LHX4: variants seen among roughly 807,000 people sequenced by gnomAD.
LHX4 encodes LIM homeobox 4.
In LHX4, 16 loss-of-function variants were observed where a neutral mutation model predicts 39.2. The observed-to-expected ratio is 0.41, with a 90% confidence interval of 0.28 to 0.62. LHX4 has a LOEUF of 0.62. Among genes scored for constraint, LHX4 ranks in the 20% least tolerant of loss-of-function variants. The pLI is 0.33. For synonymous variants in LHX4, 206 were observed against 198.1 expected, an observed-to-expected ratio of 1.04 and a Z score of -0.33; for missense variants, 439 against 511.9, an observed-to-expected ratio of 0.86 and a Z score of 1.37.
intron 2 of LHX4, among the ~76,000 whole-genome samples, chr1:180,250,023 C>T (rs917041859): frequency 6.6e-6 from 1 of 151,960 alleles, no homozygotes; most frequent in Non-Finnish European, 1.5e-5. Flanking sequence ...AAGGCAGGGG[C>T]AGCAGGTGAC....
chr1:180,271,903 G>C lies in LHX4; in HGVS notation c.675G>C (p.Gly225=), dbSNP rs1029310450. Residue 225 remains glycine (G), a synonymous_variant, in exon 5 of 6, where the codon GGG becomes GGC. Transcript: ENST00000263726. ...LKKDAGRHRW[G]QFYKSVKRSR... ...AGGATGCAGGGCGGCACCGCTGGGG[G>C]CAGTTCTATAAGAGCGTCAAGAGGA... 1 of 1,613,534 alleles carries C rather than the reference G, an allele frequency of 6.2e-7. No homozygotes were observed. Among genetic ancestry groups the C allele is most frequent in the Non-Finnish European group, 8.5e-7 (1 of 1,179,972 alleles).
chr1:180,230,627 CTGATT>C lies in LHX4; in HGVS notation c.76+24_76+28del. ...CAACGTAAGACACCCCCCTTTCTCG[CTGATT>C]TAATTCTAACAAGACAGCTAGCAGC... is the stretch of plus-strand genomic sequence containing the variant. On this transcript the variant is annotated intron_variant, in intron 1 of 5. Transcript: ENST00000263726. The surrounding 1 kb of genome is among the most constrained non-coding windows in gnomAD (Gnocchi z 5.8). 1 of 1,605,644 alleles carries C rather than the reference CTGATT, an allele frequency of 6.2e-7. No homozygotes were observed. Among genetic ancestry groups the C allele is most frequent in the African/African-American group, 1.3e-5 (1 of 74,894 alleles).
chr1:180,255,644 T>C (rs1467808447), intron 2 of LHX4, among the ~76,000 whole-genome samples: 1 of 152,220 alleles, frequency 6.6e-6, no homozygotes, highest in Admixed American at 6.5e-5. Context: ...CGGCCTGTAA[T>C]CAAGGCAGAA....
At chr1:180,259,809 A>G (rs530102540) in intron 2 of LHX4, among the ~76,000 whole-genome samples, 8 of 151,740 alleles carry the variant, frequency 5.3e-5, no homozygotes, top group African/African-American at 1.5e-4. Context: ...GACAAGCCCA[A>G]GGGGAAGGGC....
At chr1:180,239,781 G>C (rs933074804) in intron 1 of LHX4, among the ~76,000 whole-genome samples, 1 of 152,212 alleles carries the variant, frequency 6.6e-6, no homozygotes, top group East Asian at 1.9e-4. Flanking sequence ...GAATGAGCTT[G>C]CCAATTTGAA....
intron 2 of LHX4, among the ~76,000 whole-genome samples, chr1:180,257,766 C>T (rs553535460): frequency 3.9e-5 from 6 of 152,294 alleles, no homozygotes; most frequent in East Asian, 3.9e-4. Flanking sequence ...TTCCTCAGGA[C>T]GGTGCACCGT....
intron 2 of LHX4, among the ~76,000 whole-genome samples, chr1:180,263,352 C>G (rs1648181330): frequency 6.6e-6 from 1 of 152,224 alleles, no homozygotes; most frequent in African/African-American, 2.4e-5. Context: ...ATTCTAAGAT[C>G]TGGGAATGGG....
intron 1 of LHX4, among the ~76,000 whole-genome samples, chr1:180,243,814 G>T (rs1208084144): frequency 3.3e-5 from 5 of 152,180 alleles, no homozygotes; most frequent in African/African-American, 9.6e-5. Flanking sequence ...AGCTCAAGAG[G>T]CCAGTGGTCT....
intron 1 of LHX4, among the ~76,000 whole-genome samples, chr1:180,236,368 C>T (rs1344352325): frequency 2.6e-5 from 4 of 152,180 alleles, no homozygotes; most frequent in Non-Finnish European, 5.9e-5. Flanking sequence ...GTCCTAACTT[C>T]CCAGTTGCCT....
chr1:180,249,521 C>A (rs1378402869), intron 2 of LHX4, among the ~76,000 whole-genome samples: 5 of 152,216 alleles, frequency 3.3e-5, no homozygotes, highest in Non-Finnish European at 7.3e-5. Context: ...CAGGGGGCGC[C>A]AGGGAGGCTC....
chr1:180,256,110 G>A (rs1647845555), intron 2 of LHX4, among the ~76,000 whole-genome samples: 1 of 152,212 alleles, frequency 6.6e-6, no homozygotes, highest in East Asian at 1.9e-4. Context: ...GGCCCTCTCT[G>A]GACATTCCTG....
chr1:180,264,378 A>AACACACACACAC (rs10561933), intron 2 of LHX4, among the ~76,000 whole-genome samples: 1,596 of 145,390 alleles, frequency 0.011, 28 homozygotes, highest in African/African-American at 0.026. Context: ...ACACACACAT[A>AACACACACACAC]ACACACACAC....
chr1:180,264,016 T>C (rs1466648957), intron 2 of LHX4, among the ~76,000 whole-genome samples: 2 of 152,130 alleles, frequency 1.3e-5, no homozygotes, highest in African/African-American at 4.8e-5. Context: ...CAGGCTGGAG[T>C]GCAGTGGCGT....
intron 1 of LHX4, among the ~76,000 whole-genome samples, chr1:180,233,262 G>A (rs1299517096): frequency 1.3e-5 from 2 of 152,200 alleles, no homozygotes; most frequent in African/African-American, 4.8e-5. Flanking sequence ...ACTCTGTCCC[G>A]GCCTCCCGCC....
At chr1:180,237,774 A>G (rs1438307628) in intron 1 of LHX4, among the ~76,000 whole-genome samples, 1 of 152,240 alleles carries the variant, frequency 6.6e-6, no homozygotes, top group Admixed American at 6.5e-5. Flanking sequence ...GGTTCTGGGA[A>G]TAGCTTAATA....
At chr1:180,248,197 C>A in intron 1 of LHX4, 88 bp from the exon 2 acceptor site, 3 of 1,281,446 alleles carry the variant, frequency 2.3e-6, no homozygotes, top group South Asian at 1.2e-5. Flanking sequence ...CCACCATCAG[C>A]AGAGTGGGAA....
chr1:180,245,465 A>C (rs1256535236), intron 1 of LHX4, among the ~76,000 whole-genome samples: 1 of 152,230 alleles, frequency 6.6e-6, no homozygotes, highest in East Asian at 1.9e-4. Context: ...CATGGGGCAG[A>C]CAGGCATGGC....
chr1:180,230,115 G>T (rs1021295887), upstream of LHX4, among the ~76,000 whole-genome samples: 10 of 151,818 alleles, frequency 6.6e-5, no homozygotes, highest in African/African-American at 2.4e-4. This position sits in a 1 kb window ranked among gnomAD's most constrained non-coding sequence, Gnocchi z 5.8. Flanking sequence ...CGAAGGGCGG[G>T]CCTCCCTGCG....
rs1338964652 is a variant in LHX4, at chr1:180,277,776, T to TTGA, written c.*3199_*3201dup. On this transcript the variant is annotated 3_prime_UTR_variant, in exon 6 of 6. Coordinates refer to ENST00000263726, the MANE Select transcript of LHX4 (RefSeq NM_033343.4). ...AACGTAAAATAAAGATCAACTATCA[T>TTGA]TGATAACACTGTTCCTGCAAATGAA... 2 of 151,930 alleles carry TTGA rather than the reference T, an allele frequency of 1.3e-5. No homozygotes were observed. The highest frequency in any genetic ancestry group is 6.6e-5 in the Admixed American group (1 of 15,234). 9.4% of individuals were successfully genotyped at this position (151,930 alleles called of 1,614,324 possible).
Sources: allele counts gnomAD v4.1 joint callset (sites outside exome capture counted in the v4.1 genomes callset), GRCh38; gene constraint gnomAD v4.1.1; non-coding constraint Gnocchi (gnomAD v3.1); transcripts MANE v1.5; gene names NCBI Gene and HGNC (gene_info 2026-07-23, HGNC 2026-07-21).